Variants in STK3 observed in about 807,000 individuals in gnomAD.
The protein encoded by STK3 is serine/threonine-protein kinase 3.
In STK3, 41 loss-of-function variants were observed where a neutral mutation model predicts 58.0. That is an observed-to-expected ratio of 0.71 (90% CI 0.55 to 0.92). The LOEUF (loss-of-function observed/expected upper bound fraction) is 0.92, where lower values mean the gene tolerates loss of function less well. Ranked by LOEUF, STK3 falls within the 40% of genes least tolerant of loss-of-function variation. The pLI is 0.00. For missense variants in STK3, 479 were observed against 602.7 expected (o/e 0.79, Z 2.15); for synonymous variants, 170 against 191.0 (o/e 0.89, Z 0.91).
chr8:98,553,944 C>A (rs1157490277), intron 8 of STK3, among the ~76,000 whole-genome samples: 2 of 151,696 alleles, frequency 1.3e-5, no homozygotes, highest in Admixed American at 6.6e-5. Context: ...GAGTGAGACT[C>A]CATCCCAAAG....
intron 10 of STK3, among the ~76,000 whole-genome samples, chr8:98,506,008 G>A (rs1288095795): frequency 1.3e-5 from 2 of 152,182 alleles, no homozygotes; most frequent in Non-Finnish European, 2.9e-5. Context: ...CCAGAGGTGG[G>A]GTCTATAGAG....
chr8:98,737,158 T>C (rs1489313446), intron 4 of STK3, among the ~76,000 whole-genome samples: 3 of 152,156 alleles, frequency 2.0e-5, no homozygotes, highest in Non-Finnish European at 2.9e-5. Context: ...TTTAGATTTA[T>C]AAAGGTTAAA....
chr8:98,472,902 C>A (rs1292988769), intron 10 of STK3, among the ~76,000 whole-genome samples: 1 of 151,948 alleles, frequency 6.6e-6, no homozygotes, highest in Non-Finnish European at 1.5e-5. Context: ...AGAATGAGAA[C>A]AAGTATGGAT....
intron 4 of STK3, among the ~76,000 whole-genome samples, chr8:98,722,262 T>C (rs555440417): frequency 1.1e-4 from 17 of 152,324 alleles, no homozygotes; most frequent in Non-Finnish European, 1.2e-4. Flanking sequence ...CAAAAAGCGA[T>C]AGTCCAAATT....
chr8:98,767,259 T>C lies in STK3; in HGVS notation c.220A>G (p.Met74Val). 1 of 1,609,100 alleles carries C rather than the reference T, an allele frequency of 6.2e-7. No individual in the cohort carries two copies. Among genetic ancestry groups the C allele is most frequent in the Non-Finnish European group, 8.5e-7 (1 of 1,178,882 alleles). Residue 74 changes from methionine (M) to valine (V), a missense_variant, in exon 3 of 11, where the codon ATG (methionine) becomes GTG (valine). By Grantham distance (21) the Met-to-Val change is conservative (BLOSUM62 1). Transcript: ENST00000419617. ...LQEIIKEISI[M>V]QQCDSPYVVK... ...TCTTCATACCTGTCACATTGCTGCA[T>C]TATGGAAATTTCTTTGATTATTTCC...
intron 2 of STK3, among the ~76,000 whole-genome samples, chr8:98,435,416 C>G (rs1011543492): frequency 6.6e-6 from 1 of 152,204 alleles, no homozygotes; most frequent in Non-Finnish European, 1.5e-5. Flanking sequence ...TCTGAAGAGC[C>G]TGAGCTTCAT....
At chr8:98,846,490 C>T (rs927324305) in intron 3 of STK3, among the ~76,000 whole-genome samples, 6 of 152,090 alleles carry the variant, frequency 3.9e-5, no homozygotes, top group Admixed American at 2.0e-4. Context: ...GCTGGGATGC[C>T]GCAGTGAACA....
At chr8:98,370,931 G>A (rs1817603337), downstream of STK3, among the ~76,000 whole-genome samples, 2 of 152,206 alleles carry the variant, frequency 1.3e-5, no homozygotes, top group South Asian at 4.1e-4. Context: ...ATTGTAAAAT[G>A]TAGGGGTATT....
chr8:98,925,798 G>A (rs1839765058), intron 1 of STK3, among the ~76,000 whole-genome samples: 1 of 152,284 alleles, frequency 6.6e-6, no homozygotes, highest in South Asian at 2.1e-4. Context: ...CAAGGAACCC[G>A]CTGCAGCTGC....
chr8:98,556,316 C>A (rs1374389666), intron 8 of STK3, among the ~76,000 whole-genome samples: 1 of 151,976 alleles, frequency 6.6e-6, no homozygotes, highest in Non-Finnish European at 1.5e-5. Context: ...CATACTGAAC[C>A]CTCAACTCAC....
intron 6 of STK3, among the ~76,000 whole-genome samples, chr8:98,695,783 GA>G (rs1214654056): frequency 6.6e-6 from 1 of 152,180 alleles, no homozygotes; most frequent in African/African-American, 2.4e-5. Flanking sequence ...CTTGTAGTTT[GA>G]AGTCAGGTAG....
At chr8:98,784,600 C>T (rs4304299) in intron 1 of STK3, among the ~76,000 whole-genome samples, 102,623 of 151,986 alleles carry the variant, frequency 0.68, 35,087 homozygotes, top group South Asian at 0.76. Context: ...GATCATGGCA[C>T]AGTGGAGGCC....
chr8:98,452,522 A>G (rs774028242), downstream of STK3, among the ~76,000 whole-genome samples: 9 of 152,196 alleles, frequency 5.9e-5, no homozygotes, highest in Non-Finnish European at 8.8e-5. Flanking sequence ...CTACAGGACA[A>G]TATATACAAT....
the STK3 span, among the ~76,000 whole-genome samples, chr8:98,349,224 C>T: frequency 1.3e-5 from 2 of 152,190 alleles, no homozygotes; most frequent in Non-Finnish European, 2.9e-5. Context: ...GTAAAAAGAT[C>T]AGTGGTCATC....
At chr8:98,782,554 C>A in intron 1 of STK3, 2 of 318,472 alleles carry the variant, frequency 6.3e-6, no homozygotes, top group Admixed American at 3.8e-5. Context: ...CATGCAAGTA[C>A]CATGAAGAGC....
In STK3 at chr8:98,421,000, G is replaced by C. The variant is rs1164921644; in HGVS notation, n.483+13127C>G. 2.0e-5 allele frequency among the ~76,000 whole-genome samples: 3 copies of C among 152,224 alleles called. No homozygotes were observed. The East Asian group carries it at 5.8e-4, about 29-fold the overall frequency. ...CATGGCTAAGGGCAGGACTGGGACA[G>C]CTAGCTTCATGGTGCGGGGCTGGCT... On this transcript the variant is annotated intron_variant and non_coding_transcript_variant, in intron 3 of 3. Transcript: ENST00000517832.
At chr8:98,758,997 G>T (rs1287407599) in intron 3 of STK3, among the ~76,000 whole-genome samples, 2 of 152,168 alleles carry the variant, frequency 1.3e-5, no homozygotes, top group Non-Finnish European at 2.9e-5. Flanking sequence ...TGCTGTGGCT[G>T]GTTTGAACTT....
At position 98,913,479 on chromosome 8, in the gene STK3, A is replaced by C. The variant is rs147976769; in HGVS notation, c.-79+28899T>G. On this transcript the variant is annotated intron_variant, in intron 1 of 1. Transcript: ENST00000519420. ...TGGAGTTGCATAATCTTCAAAGAAG[A>C]GTCCCTGGAGAGTCATAACCAGAAA... Among the ~76,000 whole-genome samples, 911 of 152,356 alleles carry C rather than the reference A, an allele frequency of 6.0e-3. 13 individuals are homozygous for C. The highest frequency in any genetic ancestry group is 0.021 in the African/African-American group (869 of 41,584).
At chr8:98,473,393 CT>C (rs1449911139) in intron 10 of STK3, among the ~76,000 whole-genome samples, 3 of 152,158 alleles carry the variant, frequency 2.0e-5, no homozygotes, top group African/African-American at 7.2e-5. Flanking sequence ...GATATACTTT[CT>C]GATATTTCCC....
Sources: gnomAD v4.1 joint callset for allele counts (sites outside exome capture counted in the v4.1 genomes callset) on GRCh38, gnomAD v4.1.1 for gene constraint, MANE v1.5 for transcripts, NCBI Gene and HGNC (gene_info 2026-07-23, HGNC 2026-07-21) for gene names.